The following B3GALT1 variants were observed in gnomAD, a reference collection of about 807,000 sequenced individuals.
B3GALT1 encodes beta-1,3-galactosyltransferase 1.
A neutral mutation model predicts 23.2 loss-of-function variants in B3GALT1; 10 were observed. The ratio of observed to expected loss-of-function variants is 0.43; its 90% CI spans 0.27 to 0.73. The LOEUF (loss-of-function observed/expected upper bound fraction) is 0.73, where lower values mean the gene tolerates loss of function less well. Ranked by LOEUF, B3GALT1 falls within the 30% of genes least tolerant of loss-of-function variation. The probability of loss-of-function intolerance (pLI) is 0.21; values close to 1 mark genes in which losing one functional copy is unlikely to be tolerated. For missense variants in B3GALT1, 299 were observed against 405.4 expected, an observed-to-expected ratio of 0.74 and a Z score of 2.25; for synonymous variants, 156 against 141.5, an observed-to-expected ratio of 1.10 and a Z score of -0.73.
chr2:167,837,279 A>G (rs1689501767), intron 4 of B3GALT1, among the ~76,000 whole-genome samples: 2 of 152,158 alleles, frequency 1.3e-5, no homozygotes, highest in African/African-American at 2.4e-5. Flanking sequence ...TATTCAGGAA[A>G]CCCATCTCAC....
At position 167,369,821 on chromosome 2, in the gene B3GALT1, G is replaced by A. The variant is rs184366355; in HGVS notation, c.-511+76487G>A. ...CCAAGTTTTAGAGAGTATTTTAGCAGCATCACATTGAACTAAAGAGCAAAG... is the reference window on the plus strand; with the variant it reads ...CCAAGTTTTAGAGAGTATTTTAGCAACATCACATTGAACTAAAGAGCAAAG... On this transcript the variant is annotated intron_variant, in intron 1 of 4. Coordinates refer to ENST00000392690, the MANE Select transcript of B3GALT1 (RefSeq NM_020981.4). Among the ~76,000 whole-genome samples the A allele has an allele frequency of 3.9e-5, 6 of 152,230 alleles. No individual in the cohort carries two copies. In the East Asian group the frequency reaches 1.2e-3, roughly 29 times the overall value.
At chr2:167,635,736 G>A (rs1449083434) in intron 2 of B3GALT1, among the ~76,000 whole-genome samples, 1 of 152,072 alleles carries the variant, frequency 6.6e-6, no homozygotes, top group African/African-American at 2.4e-5. Flanking sequence ...TCATGGATAG[G>A]AAGAATCAAT....
At chr2:167,648,277 C>CA (rs1363014873) in intron 3 of B3GALT1, among the ~76,000 whole-genome samples, 1 of 152,074 alleles carries the variant, frequency 6.6e-6, no homozygotes, top group Admixed American at 6.6e-5. Context: ...GGATAATGTC[C>CA]AAACTCTGCA....
chr2:167,620,748 C>T (rs559763826), intron 2 of B3GALT1, among the ~76,000 whole-genome samples: 100 of 152,096 alleles, frequency 6.6e-4, no homozygotes, highest in Non-Finnish European at 1.3e-3. Flanking sequence ...TTTTATGGAC[C>T]ATTTAGTGCC....
chr2:167,452,323 AC>A (rs2105320698), intron 1 of B3GALT1, among the ~76,000 whole-genome samples: 1 of 152,158 alleles, frequency 6.6e-6, no homozygotes, highest in South Asian at 2.1e-4. Context: ...CCTCTGTGGG[AC>A]AGTCAGAAAT....
chr2:167,356,594 A>G (rs1193284051), intron 1 of B3GALT1, among the ~76,000 whole-genome samples: 3 of 152,116 alleles, frequency 2.0e-5, no homozygotes, highest in South Asian at 4.1e-4. Context: ...CTAGCTGCAA[A>G]TCCTTTTGTA....
chr2:167,296,063 A>G (rs1696345477), intron 1 of B3GALT1, among the ~76,000 whole-genome samples: 1 of 152,162 alleles, frequency 6.6e-6, no homozygotes, highest in Non-Finnish European at 1.5e-5. Context: ...TTAAGCTTTA[A>G]CTTGTTTTGC....
intron 2 of B3GALT1, among the ~76,000 whole-genome samples, chr2:167,564,832 G>A (rs1331927290): frequency 1.3e-5 from 2 of 152,142 alleles, no homozygotes; most frequent in Non-Finnish European, 2.9e-5. Flanking sequence ...GAGAACTACA[G>A]ACCACTGCTC....
intron 1 of B3GALT1, among the ~76,000 whole-genome samples, chr2:167,487,723 G>A (rs1318882359): frequency 1.3e-5 from 2 of 152,168 alleles, no homozygotes; most frequent in Non-Finnish European, 2.9e-5. Flanking sequence ...ATTTTAAAGT[G>A]TGAGTTTGGT....
intron 1 of B3GALT1, among the ~76,000 whole-genome samples, chr2:167,421,761 A>G (rs1437642834): frequency 1.3e-5 from 2 of 152,318 alleles, no homozygotes; most frequent in Non-Finnish European, 2.9e-5. Flanking sequence ...GATGATATGA[A>G]TGTTGGCTCA....
At chr2:167,634,208 A>T (rs953359873) in intron 2 of B3GALT1, among the ~76,000 whole-genome samples, 9 of 152,158 alleles carry the variant, frequency 5.9e-5, no homozygotes, top group African/African-American at 2.2e-4. Flanking sequence ...CAGTGTTTAG[A>T]GGGAAGTTTA....
chr2:167,516,816 C>A (rs1700105594), intron 2 of B3GALT1, among the ~76,000 whole-genome samples: 1 of 151,918 alleles, frequency 6.6e-6, no homozygotes, highest in Non-Finnish European at 1.5e-5. Flanking sequence ...ATGATCTGAT[C>A]ATACTTAGTT....
chr2:167,762,489 A>G (rs1369540322), intron 3 of B3GALT1, among the ~76,000 whole-genome samples: 1 of 152,014 alleles, frequency 6.6e-6, no homozygotes, highest in Non-Finnish European at 1.5e-5. Context: ...CTCTGCACTC[A>G]GGTCAAACAG....
At chr2:167,549,213 A>G (rs552768720) in intron 2 of B3GALT1, among the ~76,000 whole-genome samples, 63 of 152,352 alleles carry the variant, frequency 4.1e-4, no homozygotes, top group African/African-American at 1.4e-3. Flanking sequence ...GCACGTATGT[A>G]TGTTGGCGGG....
intron 2 of B3GALT1, among the ~76,000 whole-genome samples, chr2:167,508,420 G>A (rs574390965): frequency 2.0e-5 from 3 of 151,386 alleles, no homozygotes; most frequent in South Asian, 2.1e-4. Flanking sequence ...CACCACTCCC[G>A]GCTAATTTTT....
intron 3 of B3GALT1, among the ~76,000 whole-genome samples, chr2:167,726,332 G>A (rs1020733861): frequency 2.6e-5 from 4 of 152,140 alleles, no homozygotes; most frequent in Non-Finnish European, 5.9e-5. Context: ...CCTATTCATC[G>A]CCTTCTTTGT....
chr2:167,361,661 T>A (rs1286699759), intron 1 of B3GALT1, among the ~76,000 whole-genome samples: 6 of 152,218 alleles, frequency 3.9e-5, no homozygotes, highest in Non-Finnish European at 2.9e-5. Flanking sequence ...GCATTCTGGG[T>A]GACGGTTCAT....
intron 3 of B3GALT1, among the ~76,000 whole-genome samples, chr2:167,776,946 T>C (rs1191462047): frequency 6.6e-6 from 1 of 152,204 alleles, no homozygotes; most frequent in African/African-American, 2.4e-5. Flanking sequence ...CTTCTCTGTG[T>C]GTACACAGGC....
chr2:167,563,812 G>C (rs369647066), intron 2 of B3GALT1, among the ~76,000 whole-genome samples: 1 of 142,076 alleles, frequency 7.0e-6, no homozygotes, highest in Admixed American at 6.8e-5. Context: ...GGAGGGAGCG[G>C]CTGGCCGGGC....
Sources: gnomAD v4.1 joint callset for allele counts (sites outside exome capture counted in the v4.1 genomes callset) on GRCh38, gnomAD v4.1.1 for gene constraint, MANE v1.5 for transcripts, NCBI Gene and HGNC (gene_info 2026-07-23, HGNC 2026-07-21) for gene names.